Variants in KAZALD1 observed in about 807,000 individuals in gnomAD.
KAZALD1 encodes the protein kazal-type serine protease inhibitor domain-containing protein 1.
Under a neutral mutation model 27.7 loss-of-function variants are expected in KAZALD1, and 31 were observed. That is an observed-to-expected ratio of 1.12 (90% confidence interval 0.84 to 1.51). The LOEUF (loss-of-function observed/expected upper bound fraction) is 1.51, where lower values mean the gene tolerates loss of function less well. KAZALD1 is among the 40% of genes most tolerant of loss of function. KAZALD1 has a pLI of 0.00. For synonymous variants in KAZALD1, 179 were observed against 182.0 expected (o/e 0.98, Z 0.13); for missense variants, 444 against 408.9 (o/e 1.09, Z -0.74).
Position 101,066,081 on chromosome 10 carries a change from C to G in KAZALD1, c.*1161C>G, listed in dbSNP as rs1157803305. ...CCTCTCTGGCTTGGGGTCCCCAAAT[C>G]TCTTTCCTCATTCTCCTTACCTATC... On this transcript the variant is annotated 3_prime_UTR_variant, in exon 5 of 5. Coordinates refer to ENST00000370200, the MANE Select transcript of KAZALD1 (RefSeq NM_030929.5). Among the ~76,000 whole-genome samples, 1 of 152,256 alleles carries G rather than the reference C, an allele frequency of 6.6e-6. No homozygotes were observed. Among genetic ancestry groups the G allele is most frequent in the Non-Finnish European group, 1.5e-5 (1 of 68,048 alleles).
In KAZALD1 at chr10:101,066,272, C is replaced by T. The variant is rs1321146633; in HGVS notation, c.*1352C>T. The T allele has an allele frequency of 7.6e-6, 3 of 396,564 alleles. No individual in the cohort carries two copies. Among genetic ancestry groups the T allele is most frequent in the Admixed American group, 2.7e-5 (1 of 37,284 alleles). The allele number at this position is 396,564 out of a possible 1,614,324, so 24.6% of individuals were successfully genotyped here. ...GCGGGAGGGCCTGCCCTTGGCTCAG[C>T]GTCAGAGTTTGTCCTCTGGGGCCCA... On this transcript the variant is annotated 3_prime_UTR_variant, in exon 5 of 5. Transcript: ENST00000370200.
Position 101,064,948 on chromosome 10 carries a change from G to A in KAZALD1, c.*28G>A, listed in dbSNP as rs1441237294. On this transcript the variant is annotated 3_prime_UTR_variant, in exon 5 of 5. Coordinates refer to ENST00000370200, the MANE Select transcript of KAZALD1 (RefSeq NM_030929.5). ...CCAGAGCTCTGGCCCATGGGGGTGG[G>A]TGAGCGGCTATAGTGTTCATCCCTG... The A allele has an allele frequency of 6.6e-7, 1 of 1,519,304 alleles. No individual in the cohort carries two copies. The highest frequency in any genetic ancestry group is 9.1e-7 in the Non-Finnish European group (1 of 1,094,068). 94.1% of individuals were successfully genotyped at this position (1,519,304 alleles called of 1,614,324 possible).
chr10:101,067,294 T>C (rs752878410), downstream of KAZALD1: 25 of 456,476 alleles, frequency 5.5e-5, no homozygotes, highest in South Asian at 3.1e-5. Context: ...CGACCCAGAG[T>C]TGCCAGGCCT....
At chr10:101,064,745 T>C (rs893691810) in intron 4 of KAZALD1, 81 bp from the exon 5 acceptor site, 8 of 1,601,796 alleles carry the variant, frequency 5.0e-6, no homozygotes, top group African/African-American at 4.0e-5. Context: ...TACACAAGCA[T>C]AGCCTTCCGC....
rs984782166 is a variant in KAZALD1 at position 101,065,832 on chromosome 10, C to T, written c.*912C>T. On this transcript the variant is annotated 3_prime_UTR_variant, in exon 5 of 5. Transcript: ENST00000370200. Reference sequence around the variant, plus strand: ...CATTGGGGCTGATATACATTATCTGCTTCTTTGCTCATCTTATTCCAAACC... The same window carrying T: ...CATTGGGGCTGATATACATTATCTGTTTCTTTGCTCATCTTATTCCAAACC... Among the ~76,000 whole-genome samples the T allele has an allele frequency of 1.3e-5, 2 of 152,260 alleles. No homozygotes were observed. Among genetic ancestry groups the T allele is most frequent in the Non-Finnish European group, 2.9e-5 (2 of 68,048 alleles).
chr10:101,066,346 C>G lies in KAZALD1; in HGVS notation c.*1426C>G, dbSNP rs1455413219. 1 of 455,824 alleles carries G rather than the reference C, an allele frequency of 2.2e-6. No homozygotes were observed. Among genetic ancestry groups the G allele is most frequent in the Non-Finnish European group, 4.4e-6 (1 of 226,466 alleles). The allele number at this position is 455,824 out of a possible 1,614,324, so 28.2% of individuals were successfully genotyped here. A position where few individuals can be genotyped will look rare whatever the true frequency, so the allele number is the denominator to read the frequency against. ...GAGGGGTGTGGTCCGGAACTCCAAC[C>G]CCAGGTCCTGCTTGGCCGCCCCTCC... On this transcript the variant is annotated 3_prime_UTR_variant, in exon 5 of 5. Coordinates refer to ENST00000370200, the MANE Select transcript of KAZALD1 (RefSeq NM_030929.5).
rs979082441 is a variant in KAZALD1, at chr10:101,064,400, T to A, written c.651T>A (p.Asp217Glu). 25 of 1,614,086 alleles carry A rather than the reference T, an allele frequency of 1.5e-5. No individual in the cohort carries two copies. The highest frequency in any genetic ancestry group is 2.1e-5 in the Non-Finnish European group (25 of 1,180,042). ...GCTTGGACATCCAGCTGCCAGGGGA[T>A]GACCCCCACATCTCTGTGCAGGTAG... ...KDGLDIQLPG[D>E]DPHISVQFRG... The change falls in exon 3 of 5, where the codon GAT (aspartate) becomes GAA (glutamate). Residue 217 changes from aspartate (D) to glutamate (E), a missense_variant. Asp to Glu is a conservative substitution (Grantham distance 45). Transcript: ENST00000370200.
intron 2 of KAZALD1, 46 bp from the exon 3 acceptor site, chr10:101,064,215 C>A (rs374917123): frequency 1.9e-6 from 3 of 1,608,228 alleles, no homozygotes; most frequent in African/African-American, 2.7e-5. Flanking sequence ...GACTGGATGC[C>A]TTTGCTGGGC....
Position 101,062,431 on chromosome 10 carries a change from GCA to G in KAZALD1, c.-51-110_-51-109del, listed in dbSNP as rs1939181392. ...GTGTGTTGGGGGAGGCTACTTGGTA[GCA>G]GGGGAGGGGGCGATGCTAGTGTCAT... On this transcript the variant is annotated intron_variant, in intron 1 of 4. Coordinates refer to ENST00000370200, the MANE Select transcript of KAZALD1 (RefSeq NM_030929.5). 25 of 1,080,442 alleles carry G rather than the reference GCA, an allele frequency of 2.3e-5. 1 individual carries two copies. The South Asian group carries it at 3.7e-4, about 16-fold the overall frequency. 66.9% of individuals were successfully genotyped at this position (1,080,442 alleles called of 1,614,324 possible). A position where few individuals can be genotyped will look rare whatever the true frequency, so the allele number is the denominator to read the frequency against.
Position 101,065,185 on chromosome 10 carries a change from T to A in KAZALD1, c.*265T>A, listed in dbSNP as rs1430145660. 2 of 435,770 alleles carry A rather than the reference T, an allele frequency of 4.6e-6. No homozygotes were observed. Among genetic ancestry groups the A allele is most frequent in the Non-Finnish European group, 8.4e-6 (2 of 239,186 alleles). 27.0% of individuals were successfully genotyped at this position (435,770 alleles called of 1,614,324 possible). Reference sequence around the variant, plus strand: ...AGGAGATGCCCTGGCCAGTAGGACCTCCAACAGGTTGTTTCCCAGGCTGGG... The same window carrying A: ...AGGAGATGCCCTGGCCAGTAGGACCACCAACAGGTTGTTTCCCAGGCTGGG... On this transcript the variant is annotated 3_prime_UTR_variant, in exon 5 of 5. Coordinates refer to ENST00000370200, the MANE Select transcript of KAZALD1 (RefSeq NM_030929.5).
In KAZALD1 at chr10:101,065,724, T is replaced by C. The variant is rs536844592; in HGVS notation, c.*804T>C. 115 of 152,398 alleles carry C rather than the reference T, an allele frequency of 7.5e-4. No individual in the cohort carries two copies. The highest frequency in any genetic ancestry group is 2.7e-3 in the African/African-American group (111 of 41,584). 9.4% of individuals were successfully genotyped at this position (152,398 alleles called of 1,614,324 possible). The stretch of plus-strand genomic sequence containing the variant: ...CCTGCCAGATGTACAAAGAGAAAGT[T>C]TGAACTTGGGCCTATCCCGCCTTTG... On this transcript the variant is annotated 3_prime_UTR_variant, in exon 5 of 5. Coordinates refer to ENST00000370200, the MANE Select transcript of KAZALD1 (RefSeq NM_030929.5).
intron 1 of KAZALD1, 81 bp from the exon 2 acceptor site, chr10:101,062,460 CT>C: frequency 7.3e-7 from 1 of 1,375,216 alleles, no homozygotes; most frequent in Non-Finnish European, 9.7e-7. Context: ...TAGTGTCATG[CT>C]TTGGTACAAG....
At chr10:101,063,331 T>C (rs1325041734) in intron 2 of KAZALD1, among the ~76,000 whole-genome samples, 2 of 152,110 alleles carry the variant, frequency 1.3e-5, no homozygotes, top group African/African-American at 4.8e-5. Context: ...GTCAGCAAGC[T>C]GCATTCGCTG....
Position 101,064,397 on chromosome 10 carries a change from G to C in KAZALD1, c.648G>C (p.Gly216=). Residue 216 remains glycine (G), a synonymous_variant, in exon 3 of 5, where the codon GGG becomes GGC. Coordinates refer to ENST00000370200, the MANE Select transcript of KAZALD1 (RefSeq NM_030929.5). ...ATGGCTTGGACATCCAGCTGCCAGG[G>C]GATGACCCCCACATCTCTGTGCAGG... is the stretch of plus-strand genomic sequence containing the variant. ...RKDGLDIQLP[G]DDPHISVQFR... 1 of 1,614,196 alleles carries C rather than the reference G, an allele frequency of 6.2e-7. No homozygotes were observed. The highest frequency in any genetic ancestry group is 1.1e-5 in the South Asian group (1 of 91,088).
chr10:101,067,802 A>G (rs1025973636), downstream of KAZALD1: 3 of 397,328 alleles, frequency 7.6e-6, no homozygotes, highest in African/African-American at 4.2e-5. Context: ...GCGCCCCTCA[A>G]AAAGAAGCCT....
At chr10:101,067,825 G>A (rs1198118751), downstream of KAZALD1, 2 of 431,306 alleles carry the variant, frequency 4.6e-6, no homozygotes. Flanking sequence ...AAGCCCGAGA[G>A]ATGAACCCGA....
At chr10:101,067,149 G>GGGAGGT, downstream of KAZALD1, 3 of 400,522 alleles carry the variant, frequency 7.5e-6, no homozygotes, top group Non-Finnish European at 1.5e-5. Flanking sequence ...GAGGGGGAGG[G>GGGAGGT]AGGGGGAGGG....
At chr10:101,067,674 T>G (rs7090376), downstream of KAZALD1, 60,294 of 339,540 alleles carry the variant, frequency 0.18, 6,098 homozygotes, top group African/African-American at 0.3. Flanking sequence ...TCCAAAGAAG[T>G]GTTGCGCAGC....
chr10:101,066,634 A>T lies in KAZALD1; in HGVS notation c.*1714A>T. 7.6e-6 allele frequency: 3 copies of T among 393,562 alleles called. No individual in the cohort carries two copies. The highest frequency in any genetic ancestry group is 5.4e-5 in the South Asian group (3 of 55,298). 24.4% of individuals were successfully genotyped at this position (393,562 alleles called of 1,614,324 possible). ...AGGGGACGTGGGTGTGAGTCCCAGC[A>T]TCAGCCAGGGAATCCGCCCCTAGCT... On this transcript the variant is annotated 3_prime_UTR_variant, in exon 5 of 5. Coordinates refer to ENST00000370200, the MANE Select transcript of KAZALD1 (RefSeq NM_030929.5).
Sources: gnomAD v4.1 joint callset for allele counts (sites outside exome capture counted in the v4.1 genomes callset) on GRCh38, gnomAD v4.1.1 for gene constraint, MANE v1.5 for transcripts, NCBI Gene and HGNC (gene_info 2026-07-23, HGNC 2026-07-21) for gene names.